Variants in DDX56 observed in about 807,000 individuals in gnomAD.
DDX56 encodes probable ATP-dependent RNA helicase DDX56.
A neutral mutation model predicts 61.5 loss-of-function variants in DDX56; 45 were observed. The observed-to-expected ratio is 0.73, with a 90% CI of 0.58 to 0.94. The LOEUF (loss-of-function observed/expected upper bound fraction) is 0.94. Ranked by LOEUF, DDX56 falls within the 40% of genes least tolerant of loss-of-function variation. The pLI is 0.00. For synonymous variants in DDX56, 273 were observed against 268.3 expected (o/e 1.02, Z -0.17); for missense variants, 708 against 690.7 (o/e 1.02, Z -0.28).
chr7:44,566,112 A>C, intron 13 of DDX56, 33 bp from the exon 14 acceptor site: 1 of 1,461,594 alleles, frequency 6.8e-7, no homozygotes, highest in Non-Finnish European at 9.4e-7. Flanking sequence ...TAGTTGGGGG[A>C]ATCAGGCCGA....
Position 44,573,026 on chromosome 7 carries a change from C to T in DDX56, c.247G>A (p.Val83Met), listed in dbSNP as rs1802717849. ...KATGPVVEQA[V>M]RGLVLVPTKE... ...GTAGGAACAAGAACAAGGCCTCTCACTGCCTGTTCTACCACCGGACCTGTC... is the reference window on the plus strand; with the variant it reads ...GTAGGAACAAGAACAAGGCCTCTCATTGCCTGTTCTACCACCGGACCTGTC... Residue 83 changes from valine (V) to methionine (M), a missense_variant, in exon 3 of 14, where the codon GTG (valine) becomes ATG (methionine). Coordinates refer to ENST00000258772, the MANE Select transcript of DDX56 (RefSeq NM_019082.4). 2 of 1,598,668 alleles carry T rather than the reference C, an allele frequency of 1.3e-6. No individual in the cohort carries two copies. Among genetic ancestry groups the T allele is most frequent in the Admixed American group, 1.8e-5 (1 of 56,186 alleles).
chr7:44,570,914 A>C, intron 6 of DDX56, 37 bp from the exon 7 acceptor site: 1 of 1,592,080 alleles, frequency 6.3e-7, no homozygotes, highest in South Asian at 1.1e-5. Flanking sequence ...AGCTCAGCAG[A>C]GCAAGCTCAA....
intron 8 of DDX56, 27 bp downstream of exon 8, chr7:44,569,988 C>CAG (rs762061827): frequency 6.2e-7 from 1 of 1,613,938 alleles, no homozygotes; most frequent in Non-Finnish European, 8.5e-7. Context: ...GCCTACCATG[C>CAG]AGATGCCTGG....
At chr7:44,571,779 C>CA in intron 5 of DDX56, 43 bp from the exon 6 acceptor site, 2 of 1,608,222 alleles carry the variant, frequency 1.2e-6, no homozygotes, top group Non-Finnish European at 1.7e-6. Context: ...GAAAAGAACA[C>CA]AGAGATGTAT....
chr7:44,573,524 G>GA, intron 2 of DDX56, 59 bp downstream of exon 2: 1 of 1,585,912 alleles, frequency 6.3e-7, no homozygotes, highest in South Asian at 1.1e-5. Flanking sequence ...AACGGGAACC[G>GA]CCCTTCCCAG....
In DDX56 at chr7:44,573,856, G is replaced by A; in HGVS notation, c.40C>T (p.Leu14Phe). ...TGTACCTGAAGGAGCCGGGGATCGAGGCCCATGTGTTCGAAGCCCAGTGCT... is the reference window on the plus strand; with the variant it reads ...TGTACCTGAAGGAGCCGGGGATCGAAGCCCATGTGTTCGAAGCCCAGTGCT... ...SEALGFEHMG[L>F]DPRLLQAVTD... The change falls in exon 1 of 14, where the codon CTC becomes TTC. Residue 14 changes from leucine (L) to phenylalanine (F), a missense_variant. Transcript: ENST00000258772. 5.0e-6 allele frequency: 8 copies of A among 1,613,346 alleles called. No individual in the cohort carries two copies. The highest frequency in any genetic ancestry group is 6.8e-6 in the Non-Finnish European group (8 of 1,180,018).
rs1802700162 is a variant in DDX56 at position 44,572,414 on chromosome 7, G to A, written c.578C>T (p.Ala193Val). 6.2e-7 allele frequency: 1 copy of A among 1,614,120 alleles called. No homozygotes were observed. Among genetic ancestry groups the A allele is most frequent in the East Asian group, 2.2e-5 (1 of 44,896 alleles). The part of the protein sequence containing the change: ...LLCHLPRIYQ[A>V]FLMSATFNED... ...GTTAAAAGTAGCTGACATGAGAAAA[G>A]CCTGGTAAATCCGGGGCAAGTGACT... Residue 193 changes from alanine (A) to valine (V), a missense_variant, in exon 5 of 14, where the codon GCT becomes GTT. Physicochemically the swap from Ala to Val is moderately conservative, Grantham distance 64. Transcript: ENST00000258772.
chr7:44,569,789 C>G lies in DDX56; in HGVS notation c.1219+20G>C, dbSNP rs371709658. 418 of 1,589,336 alleles carry G rather than the reference C, an allele frequency of 2.6e-4. 2 individuals carry two copies. In the Middle Eastern group the frequency reaches 9.6e-3, roughly 37 times the overall value. On this transcript the variant is annotated intron_variant, in intron 9 of 13. Coordinates refer to ENST00000258772, the MANE Select transcript of DDX56 (RefSeq NM_019082.4). The stretch of plus-strand genomic sequence containing the variant: ...AAGAAGCCTGACCCTGGCCCAGGAC[C>G]ACAAGAGCCAGGCTCTTACCTCCAC...
In DDX56 at chr7:44,569,692, AT is replaced by A. The variant is rs1237749321; in HGVS notation, c.1219+116del. Reference sequence around the variant, plus strand: ...GCCACTCAGGGCAGAACAAGGATGGATGGTGGAAGTGGCCTGTCACACTATG... The same window carrying A: ...GCCACTCAGGGCAGAACAAGGATGGAGGTGGAAGTGGCCTGTCACACTATG... On this transcript the variant is annotated intron_variant, in intron 9 of 13. Transcript: ENST00000258772. The A allele has an allele frequency of 3.4e-5, 30 of 873,110 alleles. No individual in the cohort carries two copies. In the Admixed American group the frequency reaches 6.6e-4, roughly 19 times the overall value. 54.1% of individuals were successfully genotyped at this position (873,110 alleles called of 1,614,324 possible).
intron 13 of DDX56, 149 bp downstream of exon 13, chr7:44,566,299 T>C (rs1802533690): frequency 2.5e-6 from 2 of 806,046 alleles, no homozygotes; most frequent in Non-Finnish European, 4.2e-6. Context: ...ACCAGATTTT[T>C]GGGGCCCGGT....
intron 11 of DDX56, 120 bp from the exon 12 acceptor site, chr7:44,568,343 T>C (rs1802592966): frequency 2.8e-6 from 2 of 712,348 alleles, no homozygotes; most frequent in Non-Finnish European, 4.6e-6. Context: ...GCTGCTTCTG[T>C]GCATTTCTCA....
chr7:44,568,677 T>A (rs1802598969), intron 11 of DDX56, among the ~76,000 whole-genome samples: 1 of 151,886 alleles, frequency 6.6e-6, no homozygotes, highest in Admixed American at 6.6e-5. Context: ...AAAGGACACA[T>A]GAGCTCGTAA....
chr7:44,566,848 C>T (rs1194746891), intron 12 of DDX56, among the ~76,000 whole-genome samples: 1 of 152,156 alleles, frequency 6.6e-6, no homozygotes, highest in Non-Finnish European at 1.5e-5. Context: ...ACTACCGATA[C>T]AGGGGGCCCC....
Position 44,566,443 on chromosome 7 carries a change from C to T in DDX56, c.1566+5G>A, listed in dbSNP as rs775322095. 4.5e-6 allele frequency: 7 copies of T among 1,553,104 alleles called. No homozygotes were observed. The highest frequency in any genetic ancestry group is 2.4e-5 in the East Asian group (1 of 41,032). ...GGGGCTGTCCGCAGTCCCCAGGAGC[C>T]GTACCTTGGCCTTCCTACAAGAGGA... On this transcript the variant is annotated splice_donor_5th_base_variant and intron_variant, in intron 13 of 13. Coordinates refer to ENST00000258772, the MANE Select transcript of DDX56 (RefSeq NM_019082.4).
At chr7:44,567,747 C>A (rs932673595) in intron 12 of DDX56, 3 of 326,688 alleles carry the variant, frequency 9.2e-6, no homozygotes, top group Non-Finnish European at 1.8e-5. Flanking sequence ...TCTTTTGCAG[C>A]ACAGGTGGCT....
At chr7:44,568,612 T>C (rs1433959174) in intron 11 of DDX56, among the ~76,000 whole-genome samples, 1 of 152,094 alleles carries the variant, frequency 6.6e-6, no homozygotes, top group Non-Finnish European at 1.5e-5. Context: ...CATGCTTGAC[T>C]GTGCACATTC....
intron 13 of DDX56, 91 bp from the exon 14 acceptor site, chr7:44,566,170 A>G: frequency 1.3e-6 from 1 of 748,820 alleles, no homozygotes; most frequent in Non-Finnish European, 2.1e-6. Flanking sequence ...ACACAAAGGG[A>G]GCCGTGCCGG....
At position 44,568,242 on chromosome 7, in the gene DDX56, G is replaced by C. The variant is rs778863161; in HGVS notation, c.1384-19C>G. The C allele has an allele frequency of 1.3e-6, 2 of 1,556,574 alleles. No individual in the cohort carries two copies. Among genetic ancestry groups the C allele is most frequent in the South Asian group, 1.1e-5 (1 of 87,890 alleles). ...AGTATGTCTGCCGGGGGAAGAGGGA[G>C]AGCCACAGAGTGAGCATCTTTCTTC... is the stretch of plus-strand genomic sequence containing the variant. On this transcript the variant is annotated intron_variant, in intron 11 of 13. Transcript: ENST00000258772.
At chr7:44,568,843 C>G in intron 11 of DDX56, 60 bp downstream of exon 11, 1 of 1,407,770 alleles carries the variant, frequency 7.1e-7, no homozygotes, top group Non-Finnish European at 1.0e-6. Context: ...GGAGCTCAGC[C>G]AGTCTCCAAA....
Sources: allele counts gnomAD v4.1 joint callset (sites outside exome capture counted in the v4.1 genomes callset), GRCh38; gene constraint gnomAD v4.1.1; transcripts MANE v1.5; gene names NCBI Gene and HGNC (gene_info 2026-07-23, HGNC 2026-07-21).